TBCK: variants seen among roughly 807,000 people sequenced by gnomAD.
The protein encoded by TBCK is TBC1 domain containing kinase, also known as TBC domain-containing protein kinase-like protein.
TBCK carries 99 observed loss-of-function variants against 113.4 expected under a neutral mutation model. That is an observed-to-expected ratio of 0.87 (90% CI 0.74 to 1.03). The LOEUF is 1.03. TBCK is among the 50% of genes least tolerant of loss of function. TBCK has a pLI of 0.00. For missense variants in TBCK, 1,045 were observed against 1,061.3 expected (o/e 0.98, Z 0.21); for synonymous variants, 369 against 370.8 (o/e 1.00, Z 0.05).
chr4:106,244,893 A>C, intron 10 of TBCK, 129 bp from the exon 11 acceptor site: 1 of 561,930 alleles, frequency 1.8e-6, no homozygotes, highest in East Asian at 3.3e-5. Context: ...CCTAGTTCTG[A>C]TTGTAGGGAG....
At chr4:106,163,158 A>G (rs1220666939) in intron 23 of TBCK, 1 of 152,246 alleles carries the variant, frequency 6.6e-6, no homozygotes, top group Non-Finnish European at 1.5e-5. Flanking sequence ...AAGCATAGCA[A>G]GCGTGACCTT....
At chr4:106,139,395 A>C (rs1746933461) in intron 23 of TBCK, among the ~76,000 whole-genome samples, 1 of 142,112 alleles carries the variant, frequency 7.0e-6, no homozygotes, top group East Asian at 2.0e-4. Flanking sequence ...GAATGCAATT[A>C]AGATGTCCCA....
At chr4:106,184,127 T>A (rs1752737333) in intron 22 of TBCK, among the ~76,000 whole-genome samples, 1 of 152,058 alleles carries the variant, frequency 6.6e-6, no homozygotes, top group Non-Finnish European at 1.5e-5. Context: ...AAATTATACT[T>A]GTCATTTTGT....
intron 3 of TBCK, among the ~76,000 whole-genome samples, chr4:106,268,925 C>T (rs886172395): frequency 3.2e-4 from 49 of 152,038 alleles, no homozygotes; most frequent in Admixed American, 3.1e-3. Flanking sequence ...CATGCTATTT[C>T]CTCAGATCCA....
In TBCK at chr4:106,227,654, T is replaced by C. The variant is rs532210421; in HGVS notation, c.1774+2709A>G. ...ATGATATATATAATACAGAATCAGGTTCAAGTTGTTTAAAATAACGTAGGA... is the reference window on the plus strand; with the variant it reads ...ATGATATATATAATACAGAATCAGGCTCAAGTTGTTTAAAATAACGTAGGA... On this transcript the variant is annotated intron_variant, in intron 19 of 25. Transcript: ENST00000394708. 2.6e-5 allele frequency among the ~76,000 whole-genome samples: 4 copies of C among 152,008 alleles called. No homozygotes were observed. In the South Asian group the frequency reaches 8.3e-4, roughly 31 times the overall value.
intron 20 of TBCK, among the ~76,000 whole-genome samples, chr4:106,202,341 G>A (rs1340644405): frequency 6.6e-6 from 1 of 151,900 alleles, no homozygotes; most frequent in Non-Finnish European, 1.5e-5. Context: ...ACAGAAGAAT[G>A]ATGGAATCAT....
chr4:106,302,788 G>C (rs1238067917), intron 2 of TBCK, among the ~76,000 whole-genome samples: 1 of 152,214 alleles, frequency 6.6e-6, no homozygotes, highest in East Asian at 1.9e-4. Context: ...GGTAAGGGCT[G>C]TTGAAGTATA....
At chr4:106,057,749 C>T (rs979597094) in intron 25 of TBCK, among the ~76,000 whole-genome samples, 4 of 151,762 alleles carry the variant, frequency 2.6e-5, no homozygotes, top group Admixed American at 6.6e-5. Flanking sequence ...TTTCTTCCTT[C>T]GCAGTACTAT....
chr4:106,130,783 A>G (rs763489960), intron 23 of TBCK, among the ~76,000 whole-genome samples: 8 of 152,186 alleles, frequency 5.3e-5, no homozygotes, highest in Non-Finnish European at 1.2e-4. Context: ...TTCAATCAGC[A>G]TTATTAAACT....
At chr4:106,255,430 C>T (rs917524214) in intron 5 of TBCK, among the ~76,000 whole-genome samples, 1 of 152,214 alleles carries the variant, frequency 6.6e-6, no homozygotes, top group Non-Finnish European at 1.5e-5. Flanking sequence ...GGCCACTGTG[C>T]ACAGCCAGGC....
chr4:106,242,404 G>T, intron 12 of TBCK, 66 bp downstream of exon 12: 1 of 1,189,082 alleles, frequency 8.4e-7, no homozygotes, highest in Non-Finnish European at 1.2e-6. Context: ...AAGATTTCTT[G>T]TGTATCTGTA....
intron 23 of TBCK, among the ~76,000 whole-genome samples, chr4:106,146,597 T>TA (rs1186829692): frequency 6.6e-6 from 1 of 152,108 alleles, no homozygotes; most frequent in Admixed American, 6.5e-5. Flanking sequence ...AAATAATAGT[T>TA]AAAAAATACT....
At chr4:106,141,593 T>C (rs1747148639) in intron 23 of TBCK, among the ~76,000 whole-genome samples, 1 of 140,456 alleles carries the variant, frequency 7.1e-6, no homozygotes, top group Admixed American at 7.1e-5. Flanking sequence ...ACAATCTTTC[T>C]ATGTATCAAA....
intron 25 of TBCK, among the ~76,000 whole-genome samples, chr4:106,090,570 T>G (rs944559237): frequency 6.6e-5 from 10 of 152,228 alleles, no homozygotes; most frequent in African/African-American, 2.2e-4. Context: ...TTTTCCAAAT[T>G]TTTATGCTCT....
At chr4:106,215,521 A>T (rs1321848068) in intron 19 of TBCK, among the ~76,000 whole-genome samples, 2 of 152,198 alleles carry the variant, frequency 1.3e-5, no homozygotes, top group Admixed American at 6.5e-5. Flanking sequence ...ATGGAGGAAG[A>T]TCTACCAAGC....
rs186859596 is a variant in TBCK, at chr4:106,158,032, A to C, written c.2235+13063T>G. On this transcript the variant is annotated intron_variant, in intron 23 of 25. Coordinates refer to ENST00000394708, the MANE Select transcript of TBCK (RefSeq NM_001163435.3). ...GAACGAAATCTAATTTCTGTGCTAC[A>C]GCATAGAAAAATTAGAGGGAACAAT... Among the ~76,000 whole-genome samples the C allele has an allele frequency of 8.3e-4, 127 of 152,324 alleles. 3 individuals carry two copies. The highest frequency in any genetic ancestry group is 8.1e-3 in the South Asian group (39 of 4,830).
At position 106,070,261 on chromosome 4, in the gene TBCK, G is replaced by T. The variant is rs150470224; in HGVS notation, c.2572-23581C>A. 6.6e-4 allele frequency among the ~76,000 whole-genome samples: 100 copies of T among 152,310 alleles called. 2 individuals carry two copies. The East Asian group carries it at 0.014, about 21-fold the overall frequency. On this transcript the variant is annotated intron_variant, in intron 25 of 25. Coordinates refer to ENST00000394708, the MANE Select transcript of TBCK (RefSeq NM_001163435.3). ...CTTCCAGTTTTAGCCCATTCAGTAT[G>T]ATATTGGCTGTGGGTTTGTCATAAA...
At chr4:106,244,523 CA>C in intron 11 of TBCK, 102 bp downstream of exon 11, 3 of 1,041,766 alleles carry the variant, frequency 2.9e-6, no homozygotes, top group Middle Eastern at 3.3e-4. Context: ...TAAAAACAAC[CA>C]ATTTAAAAAA....
chr4:106,079,407 T>G (rs1382278120), intron 25 of TBCK, among the ~76,000 whole-genome samples: 1 of 152,220 alleles, frequency 6.6e-6, no homozygotes, highest in East Asian at 1.9e-4. Flanking sequence ...ATGATATGAT[T>G]GTATACCTAG....
Sources: allele counts gnomAD v4.1 joint callset (sites outside exome capture counted in the v4.1 genomes callset), GRCh38; gene constraint gnomAD v4.1.1; transcripts MANE v1.5; gene names NCBI Gene and HGNC (gene_info 2026-07-23, HGNC 2026-07-21).